SCHIP1: variants seen among roughly 807,000 people sequenced by gnomAD.
SCHIP1 encodes the protein schwannomin interacting protein 1.
In SCHIP1, 8 loss-of-function variants were observed where a neutral mutation model predicts 29.7. The observed-to-expected ratio is 0.27, with a 90% CI of 0.16 to 0.49. The LOEUF (loss-of-function observed/expected upper bound fraction) is 0.49, where lower values mean the gene tolerates loss of function less well. SCHIP1 is among the 20% of genes least tolerant of loss of function. The pLI is 0.99. For missense variants in SCHIP1, 193 were observed against 294.6 expected (o/e 0.66, Z 2.52); for synonymous variants, 76 against 94.9 (o/e 0.80, Z 1.16).
chr3:159,417,712 C>A, the SCHIP1 span, among the ~76,000 whole-genome samples: 5 of 152,210 alleles, frequency 3.3e-5, no homozygotes, highest in Admixed American at 2.0e-4. Context: ...GGGTAGTTGA[C>A]CTGCTCCATC....
chr3:159,455,300 C>T, the SCHIP1 span, among the ~76,000 whole-genome samples: 3 of 152,090 alleles, frequency 2.0e-5, no homozygotes, highest in African/African-American at 7.2e-5. Context: ...GAATGTTAGG[C>T]CAGAAGTGAG....
At chr3:159,501,792 T>C in the SCHIP1 span, among the ~76,000 whole-genome samples, 2 of 152,250 alleles carry the variant, frequency 1.3e-5, no homozygotes, top group Non-Finnish European at 2.9e-5. Context: ...TAATGACTAG[T>C]ACTTTATGTT....
chr3:159,599,795 G>A, the SCHIP1 span, among the ~76,000 whole-genome samples: 2 of 152,208 alleles, frequency 1.3e-5, no homozygotes, highest in South Asian at 4.2e-4. Flanking sequence ...ATCCTTCTTT[G>A]TGTGATTGTT....
At chr3:159,324,276 G>A in the SCHIP1 span, among the ~76,000 whole-genome samples, 1 of 152,038 alleles carries the variant, frequency 6.6e-6, no homozygotes, top group South Asian at 2.1e-4. Context: ...ATACATTCCT[G>A]AAAGTTGAAT....
chr3:159,395,495 G>A, the SCHIP1 span, among the ~76,000 whole-genome samples: 117 of 151,068 alleles, frequency 7.7e-4, 2 homozygotes, highest in East Asian at 0.021. Flanking sequence ...CTTTGAATGT[G>A]TCCCAGAGAT....
the SCHIP1 span, among the ~76,000 whole-genome samples, chr3:159,798,651 G>A: frequency 1.8e-4 from 28 of 152,082 alleles, no homozygotes; most frequent in African/African-American, 6.0e-4. Context: ...CCAGCTACTC[G>A]GGAGCCTGAG....
At chr3:159,401,244 T>A in the SCHIP1 span, 1 of 900,166 alleles carries the variant, frequency 1.1e-6, no homozygotes, top group Non-Finnish European at 1.3e-6. Flanking sequence ...CTGAGTCCAG[T>A]AAATATCCAG....
the SCHIP1 span, among the ~76,000 whole-genome samples, chr3:159,503,797 C>T: frequency 6.6e-6 from 1 of 152,144 alleles, no homozygotes; most frequent in Non-Finnish European, 1.5e-5. Context: ...TTTAGAGAAA[C>T]CTCCAGAGTC....
the SCHIP1 span, among the ~76,000 whole-genome samples, chr3:159,727,683 G>T: frequency 6.6e-6 from 1 of 152,220 alleles, no homozygotes; most frequent in Admixed American, 6.5e-5. Context: ...TCCTGAGCTA[G>T]TGTGGGTCTG....
chr3:159,890,026 C>T (rs530132099), intron 5 of SCHIP1, among the ~76,000 whole-genome samples: 2 of 150,618 alleles, frequency 1.3e-5, no homozygotes. Context: ...ACCCGGGAGG[C>T]GGAGCTTGCA....
chr3:159,346,976 G>A, the SCHIP1 span, among the ~76,000 whole-genome samples: 5 of 151,862 alleles, frequency 3.3e-5, no homozygotes, highest in African/African-American at 1.2e-4. Flanking sequence ...TGGCAGTCAT[G>A]ACTTCCAATG....
chr3:159,471,281 G>A, the SCHIP1 span, among the ~76,000 whole-genome samples: 1 of 152,058 alleles, frequency 6.6e-6, no homozygotes, highest in Non-Finnish European at 1.5e-5. Context: ...CAGATCACTG[G>A]AAGAGAAGAT....
chr3:159,304,846 A>G, the SCHIP1 span, among the ~76,000 whole-genome samples: 1 of 152,120 alleles, frequency 6.6e-6, no homozygotes, highest in African/African-American at 2.4e-5. Flanking sequence ...ATTAAATAAC[A>G]TTGGGTTTGA....
chr3:159,462,602 AG>A, the SCHIP1 span, among the ~76,000 whole-genome samples: 2 of 152,216 alleles, frequency 1.3e-5, no homozygotes, highest in African/African-American at 4.8e-5. Flanking sequence ...ATCATCCTAA[AG>A]TCTAGCTCTG....
chr3:159,824,411 G>T, the SCHIP1 span, among the ~76,000 whole-genome samples: 2 of 152,146 alleles, frequency 1.3e-5, no homozygotes, highest in Admixed American at 6.6e-5. Context: ...AGACTGGATC[G>T]TCATTTGTCA....
intron 1 of SCHIP1, chr3:159,845,382 C>CTTTTTTT (rs11344098): frequency 7.1e-6 from 1 of 140,576 alleles, no homozygotes; most frequent in Non-Finnish European, 1.6e-5. Flanking sequence ...CAAGCTTCTT[C>CTTTTTTT]TTTTTTTTTT....
the SCHIP1 span, chr3:159,375,831 A>T: frequency 1.3e-6 from 1 of 796,970 alleles, no homozygotes; most frequent in South Asian, 5.7e-5. Flanking sequence ...GGCAGGAATC[A>T]TCAATGAAAG....
the SCHIP1 span, among the ~76,000 whole-genome samples, chr3:159,439,897 A>G: frequency 6.6e-6 from 1 of 152,110 alleles, no homozygotes; most frequent in East Asian, 1.9e-4. Context: ...ATTACATCCC[A>G]TAATGTAACT....
At chr3:159,783,457 C>A in the SCHIP1 span, among the ~76,000 whole-genome samples, 1 of 152,374 alleles carries the variant, frequency 6.6e-6, no homozygotes, top group Non-Finnish European at 1.5e-5. Context: ...CTCACAAACA[C>A]ATCCCAGGCA....
Sources: allele counts gnomAD v4.1 joint callset (sites outside exome capture counted in the v4.1 genomes callset), GRCh38; gene constraint gnomAD v4.1.1; transcripts MANE v1.5; gene names NCBI Gene and HGNC (gene_info 2026-07-23, HGNC 2026-07-21).